TRIML1: variants seen among roughly 807,000 people sequenced by gnomAD.
TRIML1 encodes the protein probable E3 ubiquitin-protein ligase TRIML1.
A neutral mutation model predicts 32.3 loss-of-function variants in TRIML1; 34 were observed. The ratio of observed to expected loss-of-function variants is 1.05; its 90% confidence interval spans 0.80 to 1.40. The LOEUF is 1.40. TRIML1 is among the 40% of genes most tolerant of loss of function. The pLI is 0.00. For missense variants in TRIML1, 595 were observed against 574.9 expected, an observed-to-expected ratio of 1.03 and a Z score of -0.36; for synonymous variants, 244 against 226.6, an observed-to-expected ratio of 1.08 and a Z score of -0.69.
upstream of TRIML1, among the ~76,000 whole-genome samples, chr4:188,138,521 C>T (rs573669252): frequency 6.6e-6 from 1 of 152,182 alleles, no homozygotes; most frequent in Non-Finnish European, 1.5e-5. Flanking sequence ...GGAGCTGACT[C>T]CCGAGCAGGG....
chr4:188,141,149 A>C (rs926907094), intron 2 of TRIML1, among the ~76,000 whole-genome samples: 1 of 147,234 alleles, frequency 6.8e-6, no homozygotes, highest in African/African-American at 2.5e-5. Flanking sequence ...GATTCTCCCA[A>C]TAGACTTTGA....
chr4:188,141,728 G>GC (rs1471207733), intron 2 of TRIML1, among the ~76,000 whole-genome samples: 2 of 151,866 alleles, frequency 1.3e-5, no homozygotes, highest in African/African-American at 2.4e-5. Context: ...TATCTATAGC[G>GC]CACATACCTC....
downstream of TRIML1, among the ~76,000 whole-genome samples, chr4:188,148,529 T>C (rs1241621690): frequency 6.6e-6 from 1 of 151,922 alleles, no homozygotes; most frequent in East Asian, 1.9e-4. Flanking sequence ...GAGGAAGTGG[T>C]GGTGGCTGAG....
Position 188,144,432 on chromosome 4 carries a change from G to A in TRIML1, c.856+299G>A, listed in dbSNP as rs151139020. Among the ~76,000 whole-genome samples the A allele has an allele frequency of 1.9e-3, 279 of 147,574 alleles. 4 individuals are homozygous for A. The highest frequency in any genetic ancestry group is 5.8e-3 in the African/African-American group (232 of 40,074). On this transcript the variant is annotated intron_variant, in intron 5 of 5. Coordinates refer to ENST00000332517, the MANE Select transcript of TRIML1 (RefSeq NM_178556.5). The stretch of plus-strand genomic sequence containing the variant: ...GGCTGGAGCGCAGGGGCGCGATCTC[G>A]GCTCACTGCAAGCTCCGCTTCCCGG...
intron 5 of TRIML1, among the ~76,000 whole-genome samples, chr4:188,145,301 G>A (rs148390233): frequency 1.0e-3 from 152 of 151,644 alleles, no homozygotes; most frequent in African/African-American, 3.6e-3. Context: ...AATTAGCTGG[G>A]AGTGATGGTG....
chr4:188,144,581 C>G (rs1003905863), intron 5 of TRIML1, among the ~76,000 whole-genome samples: 1 of 149,092 alleles, frequency 6.7e-6, no homozygotes, highest in Admixed American at 6.8e-5. Context: ...CCAGGATGGT[C>G]TCGATCTCCT....
At position 188,147,625 on chromosome 4, in the gene TRIML1, T is replaced by C. The variant is rs1175682656; in HGVS notation, c.*253T>C. On this transcript the variant is annotated 3_prime_UTR_variant, in exon 6 of 6. Coordinates refer to ENST00000332517, the MANE Select transcript of TRIML1 (RefSeq NM_178556.5). ...TAAATGTATTCTCTGGGCTACCCCA[T>C]GTGTGTGCTGGTCACTCAAATATTG... 4 of 351,842 alleles carry C rather than the reference T, an allele frequency of 1.1e-5. No homozygotes were observed. The highest frequency in any genetic ancestry group is 2.0e-5 in the Non-Finnish European group (4 of 197,150). 21.8% of individuals were successfully genotyped at this position (351,842 alleles called of 1,614,324 possible). A position where few individuals can be genotyped will look rare whatever the true frequency, so the allele number is the denominator to read the frequency against.
chr4:188,145,099 A>T (rs1735019063), intron 5 of TRIML1, among the ~76,000 whole-genome samples: 1 of 152,130 alleles, frequency 6.6e-6, no homozygotes, highest in Non-Finnish European at 1.5e-5. Context: ...AATCACACAG[A>T]TAATTAGTTA....
Position 188,140,526 on chromosome 4 carries a change from A to G in TRIML1, c.409-2A>G, listed in dbSNP as rs1327063542. The G allele has an allele frequency of 1.2e-6, 2 of 1,611,930 alleles. No individual in the cohort carries two copies. Among genetic ancestry groups the G allele is most frequent in the South Asian group, 1.1e-5 (1 of 91,058 alleles). On this transcript the variant is annotated splice_acceptor_variant, in intron 1 of 5. Transcript: ENST00000332517. LOFTEE classifies it high-confidence loss of function. ...GCCAGAAAGGGTTTGTTTCTATTGC[A>G]GGAGAAACTCCAGGAAATCCTGAAT...
At position 188,147,653 on chromosome 4, in the gene TRIML1, C is replaced by A. The variant is rs975251221; in HGVS notation, c.*281C>A. ...GTGTGCTGGTCACTCAAATATTGAG[C>A]CCCTATTACCATGAATCCTACTGCC... On this transcript the variant is annotated 3_prime_UTR_variant, in exon 6 of 6. Transcript: ENST00000332517. 3.7e-4 allele frequency: 119 copies of A among 317,758 alleles called. 1 individual carries two copies. The highest frequency in any genetic ancestry group is 6.8e-5 in the Non-Finnish European group (12 of 175,328). 19.7% of individuals were successfully genotyped at this position (317,758 alleles called of 1,614,324 possible). A position where few individuals can be genotyped will look rare whatever the true frequency, so the allele number is the denominator to read the frequency against.
chr4:188,140,174 T>C (rs1579162043), intron 1 of TRIML1, among the ~76,000 whole-genome samples: 1 of 150,202 alleles, frequency 6.7e-6, no homozygotes, highest in African/African-American at 2.5e-5. Flanking sequence ...CAGGCTGGAG[T>C]GCAGCAGTGC....
chr4:188,143,428 G>A (rs9784515), intron 3 of TRIML1: 45,818 of 218,848 alleles, frequency 0.21, 5,494 homozygotes, highest in African/African-American at 0.31. Flanking sequence ...GTTCCACAGA[G>A]TGCTACTATT....
chr4:188,148,794 GTT>G (rs1443308497), downstream of TRIML1, among the ~76,000 whole-genome samples: 3 of 151,010 alleles, frequency 2.0e-5, no homozygotes, highest in African/African-American at 7.3e-5. Context: ...TAGAAACAGG[GTT>G]TCACCATTTT....
At chr4:188,138,446 C>G (rs557647975), upstream of TRIML1, among the ~76,000 whole-genome samples, 2 of 152,006 alleles carry the variant, frequency 1.3e-5, no homozygotes, top group Non-Finnish European at 2.9e-5. Flanking sequence ...ACTCGCTGGC[C>G]TTTGAGGAAG....
intron 3 of TRIML1, chr4:188,143,546 C>T (rs1190916983): frequency 9.3e-6 from 4 of 430,952 alleles, no homozygotes; most frequent in African/African-American, 6.0e-5. Context: ...ACTGGATGAT[C>T]GAGACTAACA....
At chr4:188,150,234 C>A (rs533341066), downstream of TRIML1, among the ~76,000 whole-genome samples, 204 of 152,230 alleles carry the variant, frequency 1.3e-3, no homozygotes, top group Middle Eastern at 3.4e-3. Flanking sequence ...TCAAGTAATT[C>A]TCCTGCCTCA....
chr4:188,147,470 G>C lies in TRIML1; in HGVS notation c.*98G>C, dbSNP rs1012317432. ...CGACAGTATTAATGTCAGGTGATCT[G>C]AAATAAACTCCCGTAACCCCACCCC... is the stretch of plus-strand genomic sequence containing the variant. On this transcript the variant is annotated 3_prime_UTR_variant, in exon 6 of 6. Coordinates refer to ENST00000332517, the MANE Select transcript of TRIML1 (RefSeq NM_178556.5). 4.4e-6 allele frequency: 5 copies of C among 1,143,620 alleles called. No homozygotes were observed. Among genetic ancestry groups the C allele is most frequent in the East Asian group, 5.6e-5 (2 of 35,566 alleles). 70.8% of individuals were successfully genotyped at this position (1,143,620 alleles called of 1,614,324 possible).
intron 5 of TRIML1, among the ~76,000 whole-genome samples, chr4:188,145,470 A>AAAAAAAAAAAC (rs1735038513): frequency 2.2e-5 from 1 of 45,966 alleles, no homozygotes; most frequent in African/African-American, 6.1e-5. Context: ...AAAAAAAAAA[A>AAAAAAAAAAAC]AAAAAAGTCA....
chr4:188,143,792 T>G (rs76009938), intron 3 of TRIML1, 46 bp from the exon 4 acceptor site: 1 of 1,612,954 alleles, frequency 6.2e-7, no homozygotes, highest in East Asian at 2.2e-5. Context: ...TCGTCTGTGT[T>G]ATGATCAAAG....
Sources: gnomAD v4.1 joint callset for allele counts (sites outside exome capture counted in the v4.1 genomes callset) on GRCh38, gnomAD v4.1.1 for gene constraint, MANE v1.5 for transcripts, NCBI Gene and HGNC (gene_info 2026-07-23, HGNC 2026-07-21) for gene names.